The following MYCBP2 variants were observed in gnomAD, a reference collection of about 807,000 sequenced individuals.
The protein encoded by MYCBP2 is MYC binding protein 2, also known as E3 ubiquitin-protein ligase MYCBP2.
In MYCBP2, 120 loss-of-function variants were observed where a neutral mutation model predicts 525.3. The observed-to-expected ratio is 0.23, with a 90% CI of 0.20 to 0.27. MYCBP2 has a LOEUF of 0.27. Among genes scored for constraint, MYCBP2 ranks in the 10% least tolerant of loss-of-function variants. MYCBP2 has a pLI of 1.00. For missense variants in MYCBP2, 4,149 were observed against 5,657.1 expected (o/e 0.73, Z 8.55); for synonymous variants, 1,894 against 1,955.8 (o/e 0.97, Z 0.83).
Position 77,277,266 on chromosome 13 carries a change from C to G in MYCBP2, c.748+1492G>C, listed in dbSNP as rs2075731010. On this transcript the variant is annotated intron_variant, in intron 4 of 82. Transcript: ENST00000544440. ...CAAAATATTGTTAAATAAAATAAAT[C>G]AAATCTTCAGTAAAATGCTGTCAAG... Among the ~76,000 whole-genome samples the G allele has an allele frequency of 1.3e-5, 2 of 152,036 alleles. 1 individual carries two copies. Among genetic ancestry groups the G allele is most frequent in the South Asian group, 4.2e-4 (2 of 4,818 alleles).
At chr13:77,099,063 T>C (rs761052657) in intron 55 of MYCBP2, 50 bp from the exon 56 acceptor site, 1 of 1,581,434 alleles carries the variant, frequency 6.3e-7, no homozygotes, top group Admixed American at 1.8e-5. Context: ...TATAACTTAC[T>C]GATAATTTAG....
At chr13:77,242,801 T>G (rs76799921) in intron 17 of MYCBP2, among the ~76,000 whole-genome samples, 2 of 152,228 alleles carry the variant, frequency 1.3e-5, no homozygotes, top group African/African-American at 2.4e-5. Context: ...CAGTTCTTAA[T>G]ATGGCTGACT....
intron 17 of MYCBP2, among the ~76,000 whole-genome samples, chr13:77,240,771 G>A (rs2068699761): frequency 6.6e-6 from 1 of 152,156 alleles, no homozygotes; most frequent in African/African-American, 2.4e-5. Flanking sequence ...GTTCCAATGT[G>A]CACACATTTC....
At chr13:77,108,991 C>G (rs1173552518) in intron 55 of MYCBP2, among the ~76,000 whole-genome samples, 4 of 152,068 alleles carry the variant, frequency 2.6e-5, no homozygotes, top group African/African-American at 9.7e-5. Flanking sequence ...CTGTGCCCAG[C>G]CAGGATAAGA....
At chr13:77,192,040 T>C (rs2061345503) in intron 27 of MYCBP2, among the ~76,000 whole-genome samples, 1 of 152,256 alleles carries the variant, frequency 6.6e-6, no homozygotes, top group Non-Finnish European at 1.5e-5. Context: ...TCTTGAATTC[T>C]ACAATATCCT....
chr13:77,074,729 T>C (rs932499179), intron 68 of MYCBP2, among the ~76,000 whole-genome samples: 8 of 152,166 alleles, frequency 5.3e-5, no homozygotes, highest in African/African-American at 1.9e-4. Context: ...CTCAAAAGCA[T>C]TACACTAAAG....
At chr13:77,233,043 T>C (rs1413503991) in intron 18 of MYCBP2, 113 bp downstream of exon 18, 2 of 858,144 alleles carry the variant, frequency 2.3e-6, no homozygotes, top group African/African-American at 1.7e-5. Context: ...GGCTACATCA[T>C]GATAGAAGCA....
At chr13:77,226,147 T>C (rs768902195) in intron 18 of MYCBP2, among the ~76,000 whole-genome samples, 2 of 152,192 alleles carry the variant, frequency 1.3e-5, no homozygotes, top group Non-Finnish European at 2.9e-5. Context: ...TGTGCCACCA[T>C]CACCTTCAGC....
At chr13:77,092,138 T>G (rs1041809367) in intron 59 of MYCBP2, among the ~76,000 whole-genome samples, 7 of 152,120 alleles carry the variant, frequency 4.6e-5, no homozygotes, top group Admixed American at 4.6e-4. Context: ...ATTAAAGTAT[T>G]TATTATATTA....
chr13:77,216,815 A>G (rs1041038744), intron 21 of MYCBP2, among the ~76,000 whole-genome samples: 5 of 152,242 alleles, frequency 3.3e-5, no homozygotes, highest in African/African-American at 1.2e-4. Context: ...AGGGGAAAGA[A>G]ATGCCAAAAA....
At chr13:77,256,976 C>T (rs2072323673) in intron 14 of MYCBP2, among the ~76,000 whole-genome samples, 1 of 152,092 alleles carries the variant, frequency 6.6e-6, no homozygotes, top group African/African-American at 2.4e-5. Flanking sequence ...GATTTGGAAG[C>T]AACCTAAGTG....
Position 77,294,115 on chromosome 13 carries a change from TATATATATATATATACATATATATATAC to T in MYCBP2, c.378+2456_378+2483del, listed in dbSNP as rs2077837250. Among the ~76,000 whole-genome samples, 3 of 53,798 alleles carry T rather than the reference TATATATATATATATACATATATATATAC, an allele frequency of 5.6e-5. No homozygotes were observed. In the Admixed American group the frequency reaches 9.4e-4, roughly 17 times the overall value. 35.3% of individuals were successfully genotyped at this position (53,798 alleles called of 152,430 possible). On this transcript the variant is annotated intron_variant, in intron 2 of 82. Transcript: ENST00000544440. ...AGTAGATATAATGGCTATATATATA[TATATATATATATATACATATATATATAC>T]ATATATATAAAATATATATAAAGTA...
chr13:77,260,253 C>T (rs894135547), intron 13 of MYCBP2, among the ~76,000 whole-genome samples, 175 bp downstream of exon 13: 1 of 152,070 alleles, frequency 6.6e-6, no homozygotes, highest in Non-Finnish European at 1.5e-5. Context: ...GGACAGTGCT[C>T]CTAGTGACAA....
At chr13:77,303,455 T>C (rs1197394956) in intron 1 of MYCBP2, among the ~76,000 whole-genome samples, 1 of 152,096 alleles carries the variant, frequency 6.6e-6, no homozygotes, top group Non-Finnish European at 1.5e-5. Flanking sequence ...TTTACCAAAA[T>C]AGATAATATG....
intron 72 of MYCBP2, 39 bp downstream of exon 72, chr13:77,065,953 G>T: frequency 1.3e-6 from 2 of 1,494,738 alleles, no homozygotes; most frequent in Non-Finnish European, 1.9e-6. Flanking sequence ...TCAGCTTCCT[G>T]CCGCACTTCA....
chr13:77,321,966 G>C (rs1035889994), intron 1 of MYCBP2, among the ~76,000 whole-genome samples: 1 of 152,104 alleles, frequency 6.6e-6, no homozygotes, highest in Admixed American at 6.5e-5. Flanking sequence ...TTCAAGACCA[G>C]CCTGGACAAC....
At chr13:77,232,595 G>A (rs1273245547) in intron 18 of MYCBP2, among the ~76,000 whole-genome samples, 1 of 152,176 alleles carries the variant, frequency 6.6e-6, no homozygotes, top group Admixed American at 6.5e-5. Context: ...CCAGGGACTA[G>A]AGAAAGTCTT....
intron 8 of MYCBP2, among the ~76,000 whole-genome samples, chr13:77,266,427 T>C (rs1174143439): frequency 6.6e-6 from 1 of 152,036 alleles, no homozygotes; most frequent in Non-Finnish European, 1.5e-5. Context: ...TTCAGAATAT[T>C]AAGTGAAAGA....
At chr13:77,175,307 G>GA (rs1391309970) in intron 36 of MYCBP2, among the ~76,000 whole-genome samples, 3 of 150,928 alleles carry the variant, frequency 2.0e-5, no homozygotes, top group African/African-American at 7.3e-5. Context: ...TAGATGTGAG[G>GA]AAAAAAATGG....
Sources: gnomAD v4.1 joint callset for allele counts (sites outside exome capture counted in the v4.1 genomes callset) on GRCh38, gnomAD v4.1.1 for gene constraint, MANE v1.5 for transcripts, NCBI Gene and HGNC (gene_info 2026-07-23, HGNC 2026-07-21) for gene names.